JAKMIP3: variants seen among roughly 807,000 people sequenced by gnomAD.
JAKMIP3 encodes Janus kinase and microtubule interacting protein 3, also known as janus kinase and microtubule-interacting protein 3.
In JAKMIP3, 58 loss-of-function variants were observed where a neutral mutation model predicts 118.5. The observed-to-expected ratio is 0.49, with a 90% CI of 0.40 to 0.61. The LOEUF is 0.61. JAKMIP3 is among the 20% of genes least tolerant of loss of function. The pLI is 0.00. For synonymous variants in JAKMIP3, 486 were observed against 451.2 expected, an observed-to-expected ratio of 1.08 and a Z score of -0.98; for missense variants, 950 against 1,109.0, an observed-to-expected ratio of 0.86 and a Z score of 2.04.
At chr10:132,105,848 T>TC (rs201534168) in intron 2 of JAKMIP3, among the ~76,000 whole-genome samples, 30,803 of 152,042 alleles carry the variant, frequency 0.2, 3,336 homozygotes, top group East Asian at 0.29. Flanking sequence ...GTTCTCTCCC[T>TC]CCCTGTTTCT....
intron 2 of JAKMIP3, among the ~76,000 whole-genome samples, chr10:132,108,722 G>A (rs1159574976): frequency 6.6e-6 from 1 of 151,630 alleles, no homozygotes; most frequent in Non-Finnish European, 1.5e-5. Flanking sequence ...AACATTCAAT[G>A]CCAGGTGCAG....
Position 132,117,590 on chromosome 10 carries a change from G to A in JAKMIP3, c.633+16G>A. 1 of 910,124 alleles carries A rather than the reference G, an allele frequency of 1.1e-6. No individual in the cohort carries two copies. The highest frequency in any genetic ancestry group is 1.4e-6 in the Non-Finnish European group (1 of 696,740). 56.4% of individuals were successfully genotyped at this position (910,124 alleles called of 1,614,324 possible). A position where few individuals can be genotyped will look rare whatever the true frequency, so the allele number is the denominator to read the frequency against. On this transcript the variant is annotated intron_variant, in intron 3 of 23. Transcript: ENST00000684848. This position sits in a 1 kb window ranked among gnomAD's most constrained non-coding sequence, Gnocchi z 8.6. ...CCGCAGGCTGGTACGTGGGCAGGCAGGGGCGGGCGTGGGCGAGGGTGCAGG... is the reference window on the plus strand; with the variant it reads ...CCGCAGGCTGGTACGTGGGCAGGCAAGGGCGGGCGTGGGCGAGGGTGCAGG...
chr10:132,166,889 G>A (rs1350329038), intron 21 of JAKMIP3, 94 bp from the exon 22 acceptor site: 5 of 875,652 alleles, frequency 5.7e-6, no homozygotes. Flanking sequence ...TCTGTCTTCA[G>A]TCTGTAATCG....
At position 132,141,805 on chromosome 10, in the gene JAKMIP3, C is replaced by A. The variant is rs114857982; in HGVS notation, c.1474-115C>A. ...TCCCTCATGCTGCTAGAGAGACCCC[C>A]CCATACACCATTTGATATCTGGGGA... On this transcript the variant is annotated intron_variant, in intron 10 of 23. Transcript: ENST00000684848. 3,369 of 1,217,398 alleles carry A rather than the reference C, an allele frequency of 2.8e-3. 78 individuals are homozygous for A. In the African/African-American group the frequency reaches 0.046, roughly 17 times the overall value. 75.4% of individuals were successfully genotyped at this position (1,217,398 alleles called of 1,614,324 possible).
At chr10:132,038,790 CAAA>C (rs58917363) in intron 1 of JAKMIP3, among the ~76,000 whole-genome samples, 9,615 of 124,656 alleles carry the variant, frequency 0.077, 532 homozygotes, top group East Asian at 0.23. Context: ...GAGACTGTCT[CAAA>C]AAAAAAAAAA....
intron 23 of JAKMIP3, chr10:132,181,273 C>T (rs996456762): frequency 3.9e-5 from 6 of 152,186 alleles, no homozygotes; most frequent in African/African-American, 1.4e-4. Context: ...TAAAATTCAG[C>T]ATCATATTTT....
intron 19 of JAKMIP3, among the ~76,000 whole-genome samples, chr10:132,159,840 ATGCTGGGGGG>A (rs1319507801): frequency 6.9e-5 from 4 of 58,168 alleles, no homozygotes; most frequent in African/African-American, 2.9e-4. Context: ...TCCCTGTGTG[ATGCTGGGGGG>A]CCTCTCCCTG....
In JAKMIP3 at chr10:132,167,022, C is replaced by A; in HGVS notation, c.2530C>A (p.Leu844Ile). 2 of 1,550,296 alleles carry A rather than the reference C, an allele frequency of 1.3e-6. No homozygotes were observed. Among genetic ancestry groups the A allele is most frequent in the South Asian group, 1.2e-5 (1 of 84,022 alleles). ...CTTATTTTTCTCCTTAGCTTTCATT[C>A]TCTGGTCATAGTCCGTCTTGGCACC... The part of the protein sequence containing the change: ...LFLFFSLAFI[L>I]WS The change falls in exon 22 of 24, where the codon CTC (leucine) becomes ATC (isoleucine). Residue 844 changes from leucine (L) to isoleucine (I), a missense_variant. Coordinates refer to ENST00000684848, the MANE Select transcript of JAKMIP3 (RefSeq NM_001323087.2).
At chr10:132,087,231 G>A (rs2042513679) in intron 1 of JAKMIP3, among the ~76,000 whole-genome samples, 1 of 152,176 alleles carries the variant, frequency 6.6e-6, no homozygotes, top group Non-Finnish European at 1.5e-5. Context: ...GAAATCTGCT[G>A]TTAATCTGAT....
At chr10:132,057,775 G>A (rs929141598) in intron 1 of JAKMIP3, among the ~76,000 whole-genome samples, 2 of 152,230 alleles carry the variant, frequency 1.3e-5, no homozygotes, top group Non-Finnish European at 2.9e-5. Flanking sequence ...ACCCCAGTGA[G>A]AGGGACGCTG....
In JAKMIP3 at chr10:132,104,716, C is replaced by A. The variant is rs941099260; in HGVS notation, c.-93C>A. ...GTGACAGCAGCCCGGGTGACACCTG[C>A]TGGGAGCTTGGCGTGGACACCCCAG... On this transcript the variant is annotated 5_prime_UTR_variant, in exon 2 of 24. In the 5' UTR this introduces an upstream ATG that the reference lacks. Transcript: ENST00000684848. 7.5e-7 allele frequency: 1 copy of A among 1,326,894 alleles called. No homozygotes were observed. Among genetic ancestry groups the A allele is most frequent in the Non-Finnish European group, 1.0e-6 (1 of 959,816 alleles). The allele number at this position is 1,326,894 out of a possible 1,614,324, so 82.2% of individuals were successfully genotyped here.
chr10:132,099,322 C>G (rs544700539), intron 1 of JAKMIP3, among the ~76,000 whole-genome samples: 1 of 152,280 alleles, frequency 6.6e-6, no homozygotes, highest in East Asian at 1.9e-4. Context: ...CAGAAACCTC[C>G]TGCCATAAAA....
rs780293064 is a variant in JAKMIP3 at position 132,118,813 on chromosome 10, A to G, written c.633+1239A>G. Among the ~76,000 whole-genome samples, 1 of 151,938 alleles carries G rather than the reference A, an allele frequency of 6.6e-6. No homozygotes were observed. Among genetic ancestry groups the G allele is most frequent in the Non-Finnish European group, 1.5e-5 (1 of 67,980 alleles). On this transcript the variant is annotated intron_variant, in intron 3 of 23. Transcript: ENST00000684848. The surrounding 1 kb of genome is among the most constrained non-coding windows in gnomAD (Gnocchi z 4.8). The stretch of plus-strand genomic sequence containing the variant: ...ACCCAAGGACCCGGCCCAAACCAGC[A>G]CTCATAAGAACCGGGTGCTTTCTTC...
Position 132,037,912 on chromosome 10 carries a change from C to T in JAKMIP3, c.-138+1174C>T, listed in dbSNP as rs533647403. Among the ~76,000 whole-genome samples the T allele has an allele frequency of 8.8e-4, 134 of 152,340 alleles. No individual in the cohort carries two copies. In the South Asian group the frequency reaches 0.011, roughly 12 times the overall value. On this transcript the variant is annotated intron_variant, in intron 1 of 23. Transcript: ENST00000657785. ...AGAGAACAGCAGTACCAATTGGCCC[C>T]GAGTCGGTTGCAGCCTTTGCCACAA...
At chr10:132,148,232 A>G (rs1183605682) in intron 14 of JAKMIP3, among the ~76,000 whole-genome samples, 182 bp downstream of exon 14, 1 of 152,200 alleles carries the variant, frequency 6.6e-6, no homozygotes, top group Non-Finnish European at 1.5e-5. Flanking sequence ...CGGCCGTCCA[A>G]ACATCCAATG....
At chr10:132,110,058 C>T (rs1225435244) in intron 2 of JAKMIP3, among the ~76,000 whole-genome samples, 1 of 152,220 alleles carries the variant, frequency 6.6e-6, no homozygotes, top group Non-Finnish European at 1.5e-5. Context: ...TCCAGCAGAT[C>T]CAGGTGTCTC....
At position 132,140,440 on chromosome 10, in the gene JAKMIP3, T is replaced by C; in HGVS notation, c.1345-11T>C. ...CTGGTTTGAACTGACACGTCGCATT[T>C]TGGTCACAAGCCGGTGGTTGTGGAG... On this transcript the variant is annotated splice_polypyrimidine_tract_variant and intron_variant, in intron 9 of 23. Coordinates refer to ENST00000684848, the MANE Select transcript of JAKMIP3 (RefSeq NM_001323087.2). 1 of 1,613,524 alleles carries C rather than the reference T, an allele frequency of 6.2e-7. No homozygotes were observed. The highest frequency in any genetic ancestry group is 8.5e-7 in the Non-Finnish European group (1 of 1,179,800).
chr10:132,134,502 A>G (rs577525807), intron 4 of JAKMIP3, among the ~76,000 whole-genome samples: 2 of 152,316 alleles, frequency 1.3e-5, no homozygotes, highest in Non-Finnish European at 2.9e-5. Context: ...GGGGTCCCAA[A>G]AGCGGCTCTT....
chr10:132,162,098 C>T (rs998344907), intron 19 of JAKMIP3, among the ~76,000 whole-genome samples: 4 of 121,806 alleles, frequency 3.3e-5, no homozygotes, highest in Middle Eastern at 4.6e-3. Flanking sequence ...CTGTGAGCAC[C>T]GAGGTTTTTT....
Sources: gnomAD v4.1 joint callset for allele counts (sites outside exome capture counted in the v4.1 genomes callset) on GRCh38, gnomAD v4.1.1 for gene constraint, Gnocchi (gnomAD v3.1) non-coding constraint, MANE v1.5 for transcripts, NCBI Gene and HGNC (gene_info 2026-07-23, HGNC 2026-07-21) for gene names.